Variants in ZCCHC7 observed in about 807,000 individuals in gnomAD.
The protein encoded by ZCCHC7 is zinc finger CCHC domain-containing protein 7.
A neutral mutation model predicts 52.0 loss-of-function variants in ZCCHC7; 35 were observed. The observed-to-expected ratio is 0.67, with a 90% CI of 0.51 to 0.89. The LOEUF (loss-of-function observed/expected upper bound fraction) is 0.89, where lower values mean the gene tolerates loss of function less well. Among genes scored for constraint, ZCCHC7 ranks in the 40% least tolerant of loss-of-function variants. ZCCHC7 has a pLI of 0.00. For missense variants in ZCCHC7, 574 were observed against 649.1 expected (o/e 0.88, Z 1.26); for synonymous variants, 217 against 221.5 (o/e 0.98, Z 0.18).
chr9:37,246,419 G>A (rs1826083353), intron 2 of ZCCHC7, among the ~76,000 whole-genome samples: 1 of 152,076 alleles, frequency 6.6e-6, no homozygotes, highest in Non-Finnish European at 1.5e-5. Flanking sequence ...TTTAGCATCA[G>A]CGTATGATAA....
chr9:37,198,936 T>C (rs953903620), intron 2 of ZCCHC7, among the ~76,000 whole-genome samples: 3 of 152,324 alleles, frequency 2.0e-5, no homozygotes, highest in Non-Finnish European at 2.9e-5. Context: ...TCCTTGCTCT[T>C]TGAAATTCTT....
intron 2 of ZCCHC7, among the ~76,000 whole-genome samples, chr9:37,287,976 T>C (rs1032159963): frequency 1.3e-5 from 2 of 151,984 alleles, no homozygotes; most frequent in African/African-American, 4.8e-5. Context: ...TTAAAGACCT[T>C]CTGTCAATAT....
At chr9:37,262,530 G>GTGTC (rs1209087094) in intron 2 of ZCCHC7, among the ~76,000 whole-genome samples, 1 of 152,090 alleles carries the variant, frequency 6.6e-6, no homozygotes, top group East Asian at 1.9e-4. Flanking sequence ...TACAAGTATA[G>GTGTC]TGTCCCCTTG....
intron 2 of ZCCHC7, among the ~76,000 whole-genome samples, chr9:37,150,916 G>A (rs1046046704): frequency 3.3e-5 from 5 of 151,496 alleles, no homozygotes; most frequent in Non-Finnish European, 7.4e-5. Flanking sequence ...AATCTCTGTA[G>A]CATTGGAATT....
intron 2 of ZCCHC7, among the ~76,000 whole-genome samples, chr9:37,141,005 AGTATAATGC>A (rs1174803382): frequency 6.6e-6 from 1 of 152,034 alleles, no homozygotes; most frequent in Non-Finnish European, 1.5e-5. Context: ...TAATGCTTAT[AGTATAATGC>A]GCATACTTAT....
intron 2 of ZCCHC7, among the ~76,000 whole-genome samples, chr9:37,218,531 G>A (rs532578492): frequency 6.6e-6 from 1 of 152,336 alleles, no homozygotes; most frequent in South Asian, 2.1e-4. Context: ...CCTGGGCCAG[G>A]CGTGGTGGCT....
At chr9:37,275,795 A>G (rs1827658165) in intron 2 of ZCCHC7, among the ~76,000 whole-genome samples, 1 of 151,910 alleles carries the variant, frequency 6.6e-6, no homozygotes, top group Non-Finnish European at 1.5e-5. Context: ...GGCACCCACC[A>G]CCATGCCTGG....
At chr9:37,276,718 C>G (rs1236605307) in intron 2 of ZCCHC7, among the ~76,000 whole-genome samples, 1 of 152,004 alleles carries the variant, frequency 6.6e-6, no homozygotes, top group Non-Finnish European at 1.5e-5. Context: ...AGAAGATTGC[C>G]TAAAATAGTA....
chr9:37,159,727 G>T (rs1282565047), intron 2 of ZCCHC7, among the ~76,000 whole-genome samples: 2 of 152,132 alleles, frequency 1.3e-5, no homozygotes, highest in Non-Finnish European at 2.9e-5. Context: ...GATATTTTCA[G>T]CTTTCTAGAA....
At chr9:37,203,041 C>T (rs1823717552) in intron 2 of ZCCHC7, among the ~76,000 whole-genome samples, 2 of 152,124 alleles carry the variant, frequency 1.3e-5, no homozygotes, top group South Asian at 4.1e-4. Context: ...TTTTGTTAAA[C>T]CCACAGAAAC....
chr9:37,290,707 C>T (rs1294518471), intron 2 of ZCCHC7, among the ~76,000 whole-genome samples: 4 of 152,114 alleles, frequency 2.6e-5, no homozygotes, highest in Non-Finnish European at 5.9e-5. Context: ...TCTTAAACGT[C>T]TTCCAAAGAC....
At chr9:37,123,568 A>G (rs566236460) in intron 1 of ZCCHC7, among the ~76,000 whole-genome samples, 24 of 152,334 alleles carry the variant, frequency 1.6e-4, no homozygotes, top group Admixed American at 1.2e-3. Context: ...AGGTGTGCCT[A>G]TGGCTCTATT....
chr9:37,266,907 T>C (rs992874516), intron 2 of ZCCHC7, among the ~76,000 whole-genome samples: 6 of 152,044 alleles, frequency 3.9e-5, no homozygotes, highest in African/African-American at 1.4e-4. Context: ...GTATATGTTA[T>C]ACCAGTGTTA....
chr9:37,284,666 A>G (rs920448921), intron 2 of ZCCHC7, among the ~76,000 whole-genome samples: 1 of 152,054 alleles, frequency 6.6e-6, no homozygotes. Context: ...TGTATTTTGT[A>G]TTTTTTCTGT....
chr9:37,124,047 G>C (rs1564126742), intron 1 of ZCCHC7, among the ~76,000 whole-genome samples: 2 of 152,064 alleles, frequency 1.3e-5, no homozygotes, highest in Non-Finnish European at 2.9e-5. Context: ...TTGGTTTTTG[G>C]GATTAAGGTG....
chr9:37,323,875 G>A (rs1030994182), intron 5 of ZCCHC7, among the ~76,000 whole-genome samples: 10 of 152,172 alleles, frequency 6.6e-5, no homozygotes, highest in Admixed American at 6.6e-5. Flanking sequence ...CCAAAGTATC[G>A]GGACAATCAG....
At chr9:37,311,375 A>G (rs947536112) in intron 5 of ZCCHC7, among the ~76,000 whole-genome samples, 6 of 152,264 alleles carry the variant, frequency 3.9e-5, no homozygotes, top group Admixed American at 3.3e-4. Context: ...AGTGGGAGAA[A>G]ATAATTCATA....
chr9:37,272,491 T>TAAAAAAAAAAAAAA, intron 2 of ZCCHC7, among the ~76,000 whole-genome samples: 1 of 97,828 alleles, frequency 1.0e-5, no homozygotes, highest in Non-Finnish European at 2.1e-5. Context: ...AGCTGTGTGG[T>TAAAAAAAAAAAAAA]AAAAAAAAAA....
chr9:37,356,914 T>C lies in ZCCHC7; in HGVS notation c.1278T>C (p.Asp426=), dbSNP rs763530918. The C allele has an allele frequency of 6.2e-7, 1 of 1,613,578 alleles. No individual in the cohort carries two copies. Among genetic ancestry groups the C allele is most frequent in the Non-Finnish European group, 8.5e-7 (1 of 1,179,888 alleles). The change falls in exon 9 of 9, where the codon GAT becomes GAC. Residue 426 remains aspartate, a synonymous_variant. Transcript: ENST00000336755. ...CAGCAAATGAGAACCCCCACCATGA[T>C]ATAAGGAAGGGCCGTGCCTCATGGA... The part of the protein sequence containing the change: ...IKAANENPHH[D]IRKGRASWKS...
Sources: allele counts gnomAD v4.1 joint callset (sites outside exome capture counted in the v4.1 genomes callset), GRCh38; gene constraint gnomAD v4.1.1; transcripts MANE v1.5; gene names NCBI Gene and HGNC (gene_info 2026-07-23, HGNC 2026-07-21).